Variants in TRPM3 observed in about 807,000 individuals in gnomAD.
TRPM3 encodes long transient receptor potential channel 3.
A neutral mutation model predicts 181.2 loss-of-function variants in TRPM3; 77 were observed. The observed-to-expected ratio is 0.42, with a 90% CI of 0.35 to 0.51. The LOEUF (loss-of-function observed/expected upper bound fraction) is 0.51, where lower values mean the gene tolerates loss of function less well. Ranked by LOEUF, TRPM3 falls within the 20% of genes least tolerant of loss-of-function variation. The pLI, the probability that TRPM3 is intolerant of heterozygous loss-of-function variation, is 0.01. For missense variants in TRPM3, 1,759 were observed against 2,196.7 expected, an observed-to-expected ratio of 0.80 and a Z score of 3.98; for synonymous variants, 745 against 796.4, an observed-to-expected ratio of 0.94 and a Z score of 1.09.
At chr9:71,110,665 A>G (rs2070872075) in intron 1 of TRPM3, among the ~76,000 whole-genome samples, 1 of 152,202 alleles carries the variant, frequency 6.6e-6, no homozygotes, top group South Asian at 2.1e-4. Context: ...TAGATGAGAA[A>G]GCTGAAGCAT....
At chr9:71,079,761 C>T (rs2063961977) in intron 1 of TRPM3, among the ~76,000 whole-genome samples, 1 of 152,128 alleles carries the variant, frequency 6.6e-6, no homozygotes, top group Non-Finnish European at 1.5e-5. Context: ...TGGTGCAAGT[C>T]CTCTTTCTGG....
chr9:71,374,392 C>CA (rs1278197859), intron 1 of TRPM3, among the ~76,000 whole-genome samples: 1 of 151,410 alleles, frequency 6.6e-6, no homozygotes, highest in South Asian at 2.1e-4. Context: ...AACAAACAAA[C>CA]AAAAAACAAA....
intron 1 of TRPM3, among the ~76,000 whole-genome samples, chr9:70,996,965 C>T (rs1041194594): frequency 2.0e-5 from 3 of 152,118 alleles, no homozygotes; most frequent in South Asian, 2.1e-4. Flanking sequence ...CCTTTTAATA[C>T]GAGTTTATGA....
chr9:71,432,344 T>A (rs1187796697), intron 1 of TRPM3, among the ~76,000 whole-genome samples: 1 of 145,028 alleles, frequency 6.9e-6, no homozygotes, highest in Non-Finnish European at 1.5e-5. Flanking sequence ...TTTTTTTTTT[T>A]TTTGGCTTAT....
chr9:70,738,223 C>G (rs963876199), intron 8 of TRPM3, among the ~76,000 whole-genome samples: 1 of 152,144 alleles, frequency 6.6e-6, no homozygotes, highest in African/African-American at 2.4e-5. Flanking sequence ...AAGGAACCCA[C>G]AAAACCATGC....
Position 71,427,479 on chromosome 9 carries a change from A to G in TRPM3, c.183+19174T>C, listed in dbSNP as rs116210772. Among the ~76,000 whole-genome samples, 960 of 152,288 alleles carry G rather than the reference A, an allele frequency of 6.3e-3. 13 individuals are homozygous for G. The highest frequency in any genetic ancestry group is 0.022 in the African/African-American group (917 of 41,558). ...AGATAATGGTCACTAAAATAGTGTT[A>G]TCCTCACTAGCAAAGACATGGAATC... On this transcript the variant is annotated intron_variant, in intron 1 of 24. Coordinates refer to the TRPM3 transcript ENST00000357533.
At chr9:71,046,116 G>A (rs1486700984) in intron 1 of TRPM3, among the ~76,000 whole-genome samples, 2 of 151,678 alleles carry the variant, frequency 1.3e-5, no homozygotes, top group Admixed American at 6.6e-5. Flanking sequence ...TCAGCCTCCC[G>A]AGTAGCTGCA....
chr9:71,075,034 C>CGTTG (rs2063268776), intron 1 of TRPM3, among the ~76,000 whole-genome samples: 1 of 152,070 alleles, frequency 6.6e-6, no homozygotes, highest in African/African-American at 2.4e-5. Flanking sequence ...TAGAATTCAA[C>CGTTG]AATTCTAGAA....
intron 9 of TRPM3, among the ~76,000 whole-genome samples, chr9:70,643,723 T>A (rs1283115216): frequency 6.6e-6 from 1 of 152,240 alleles, no homozygotes; most frequent in East Asian, 1.9e-4. Flanking sequence ...TGGAATTGCC[T>A]AAAGAGCTTT....
chr9:71,018,294 A>G lies in TRPM3; in HGVS notation c.177+102884T>C, dbSNP rs140055942. On this transcript the variant is annotated intron_variant, in intron 1 of 25. Transcript: ENST00000677713. ...AAGCTAGGGGAAAAAAAGTTAAATCAAAATAAAAAAGAAAAAAGGAAATAA... is the reference window on the plus strand; with the variant it reads ...AAGCTAGGGGAAAAAAAGTTAAATCGAAATAAAAAAGAAAAAAGGAAATAA... Among the ~76,000 whole-genome samples the G allele has an allele frequency of 1.3e-3, 191 of 151,874 alleles. 1 individual carries two copies. Among genetic ancestry groups the G allele is most frequent in the African/African-American group, 4.4e-3 (182 of 41,554 alleles).
intron 1 of TRPM3, among the ~76,000 whole-genome samples, chr9:71,281,125 G>T (rs1028148173): frequency 6.6e-6 from 1 of 152,182 alleles, no homozygotes; most frequent in African/African-American, 2.4e-5. Context: ...GGAGGAAGAG[G>T]CACTCTCACA....
At chr9:70,924,991 A>T (rs2096706429) in intron 1 of TRPM3, among the ~76,000 whole-genome samples, 1 of 152,176 alleles carries the variant, frequency 6.6e-6, no homozygotes, top group African/African-American at 2.4e-5. Flanking sequence ...CGCTCTTTCC[A>T]CTGAACCGTA....
At chr9:71,095,501 G>A (rs570917412) in intron 1 of TRPM3, among the ~76,000 whole-genome samples, 3 of 152,124 alleles carry the variant, frequency 2.0e-5, no homozygotes, top group African/African-American at 7.2e-5. Flanking sequence ...GCTTACGCCT[G>A]TAATCCCAGC....
At position 70,531,986 on chromosome 9, in the gene TRPM3, GT is replaced by G. The variant is rs2040942061; in HGVS notation, c.*3966del. The G allele has an allele frequency of 6.6e-6, 1 of 152,156 alleles. No homozygotes were observed. Among genetic ancestry groups the G allele is most frequent in the Admixed American group, 6.5e-5 (1 of 15,268 alleles). The allele number at this position is 152,156 out of a possible 1,614,324, so 9.4% of individuals were successfully genotyped here. ...TGCAACATGTGTTTCTTTATTGAAT[GT>G]TACAGATTTATAAATGATTATAAAG... On this transcript the variant is annotated 3_prime_UTR_variant, in exon 26 of 26. Transcript: ENST00000677713.
At chr9:71,264,125 G>T (rs1391629266) in intron 1 of TRPM3, among the ~76,000 whole-genome samples, 2 of 151,992 alleles carry the variant, frequency 1.3e-5, no homozygotes, top group African/African-American at 4.8e-5. Context: ...CCTTACCCCT[G>T]ATCTAGCCCA....
At chr9:70,780,162 G>T (rs903565858) in intron 7 of TRPM3, among the ~76,000 whole-genome samples, 4 of 152,042 alleles carry the variant, frequency 2.6e-5, no homozygotes, top group Non-Finnish European at 5.9e-5. Flanking sequence ...AGTTCACACA[G>T]GTTAAAATGT....
intron 1 of TRPM3, among the ~76,000 whole-genome samples, chr9:71,271,734 A>T (rs1196596326): frequency 6.6e-6 from 1 of 152,124 alleles, no homozygotes; most frequent in African/African-American, 2.4e-5. Flanking sequence ...TCTCAACAGG[A>T]GGTGACACTA....
chr9:71,153,090 A>C (rs558278374), intron 1 of TRPM3, among the ~76,000 whole-genome samples: 7 of 152,206 alleles, frequency 4.6e-5, no homozygotes, highest in African/African-American at 1.7e-4. Context: ...CATCAAAATC[A>C]GAGCAGTCAT....
At chr9:70,586,798 C>A (rs2057212548) in intron 22 of TRPM3, among the ~76,000 whole-genome samples, 1 of 152,178 alleles carries the variant, frequency 6.6e-6, no homozygotes, top group Admixed American at 6.5e-5. Flanking sequence ...TCATGCTGCT[C>A]TAAACTTCAC....
Sources: allele counts gnomAD v4.1 joint callset (sites outside exome capture counted in the v4.1 genomes callset), GRCh38; gene constraint gnomAD v4.1.1; transcripts MANE v1.5; gene names NCBI Gene and HGNC (gene_info 2026-07-23, HGNC 2026-07-21).